The following DNAH9 variants were observed in gnomAD, a reference collection of about 807,000 sequenced individuals.
DNAH9 encodes the protein DNAH9 variant protein.
DNAH9 carries 345 observed loss-of-function variants against 471.6 expected under a neutral mutation model. The observed-to-expected ratio is 0.73, with a 90% CI of 0.67 to 0.80. DNAH9 has a LOEUF of 0.80. Among genes scored for constraint, DNAH9 ranks in the 30% least tolerant of loss-of-function variants. DNAH9 has a pLI of 0.00. For synonymous variants in DNAH9, 2,093 were observed against 2,123.6 expected, an observed-to-expected ratio of 0.99 and a Z score of 0.40; for missense variants, 5,407 against 5,609.2, an observed-to-expected ratio of 0.96 and a Z score of 1.15.
intron 60 of DNAH9, among the ~76,000 whole-genome samples, chr17:11,904,914 A>G (rs9905966): frequency 0.03 from 4,488 of 152,118 alleles, 231 homozygotes; most frequent in African/African-American, 0.1. Flanking sequence ...GTGGAGTGAG[A>G]TGAAAGAAGA....
In DNAH9 at chr17:11,783,648, A is replaced by C; in HGVS notation, c.7721A>C (p.Tyr2574Ser). ...IRQHLDYGHW[Y>S]DRSKLSLKEI... ...CCTAGAGCTTCTGACTGTTCCAGGT[A>C]TGATCGGAGCAAGCTGTCCCTAAAG... The change falls in exon 40 of 69, where the codon TAT becomes TCT. Residue 2574 changes from tyrosine to serine, a missense_variant and splice_region_variant. Physicochemically the swap from Tyr to Ser is moderately radical, Grantham distance 144. Coordinates refer to ENST00000262442, the MANE Select transcript of DNAH9 (RefSeq NM_001372.4). 6.2e-7 allele frequency: 1 copy of C among 1,613,786 alleles called. No individual in the cohort carries two copies.
chr17:11,822,595 T>C lies in DNAH9; in HGVS notation c.9008T>C (p.Ile3003Thr), dbSNP rs762183770. 15 of 1,613,908 alleles carry C rather than the reference T, an allele frequency of 9.3e-6. No individual in the cohort carries two copies. In the Admixed American group the frequency reaches 1.3e-4, roughly 14 times the overall value. The stretch of plus-strand genomic sequence containing the variant: ...CGCTTCTTGCAGAACACAGAGGGCA[T>C]TGAGGTGAGAGAGAAAAGGAGACAC... ...SLRFLQNTEG[I>T]EPTVKQSISK... The change falls in exon 47 of 69, where the codon ATT becomes ACT. Residue 3003 changes from isoleucine (I) to threonine (T), a missense_variant. Transcript: ENST00000262442.
intron 14 of DNAH9, among the ~76,000 whole-genome samples, chr17:11,663,030 C>T (rs1165213398): frequency 6.6e-6 from 1 of 151,774 alleles, no homozygotes; most frequent in African/African-American, 2.4e-5. Context: ...GCTGGGATTA[C>T]AGGCGTGAGC....
At chr17:11,692,186 C>T (rs1259647273) in intron 20 of DNAH9, among the ~76,000 whole-genome samples, 2 of 149,654 alleles carry the variant, frequency 1.3e-5, no homozygotes, top group African/African-American at 2.4e-5. Flanking sequence ...TCCTCATTCT[C>T]TCACTTGCAG....
In DNAH9 at chr17:11,719,432, G is replaced by C. The variant is rs577054880; in HGVS notation, c.5651G>C (p.Gly1884Ala). The C allele has an allele frequency of 4.6e-5, 75 of 1,613,966 alleles. No individual in the cohort carries two copies. In the Middle Eastern group the frequency reaches 5.0e-4, roughly 11 times the overall value. The change falls in exon 27 of 69, where the codon GGC becomes GCC. Residue 1884 changes from glycine to alanine, a missense_variant. Physicochemically the swap from Gly to Ala is moderately conservative, Grantham distance 60. Transcript: ENST00000262442. ...TGKTETTKDL[G>A]RALGILVYVF... ...AAGACCGAGACCACCAAGGACCTGG[G>C]CCGCGCACTGGGCATCCTGGTCTAT...
At chr17:11,765,596 G>C (rs932003081) in intron 36 of DNAH9, among the ~76,000 whole-genome samples, 3 of 152,176 alleles carry the variant, frequency 2.0e-5, no homozygotes, top group African/African-American at 7.2e-5. Context: ...CCTCCCCAGA[G>C]ACAGATGCCC....
intron 41 of DNAH9, among the ~76,000 whole-genome samples, chr17:11,792,345 T>C (rs541109301): frequency 3.0e-4 from 46 of 152,344 alleles, no homozygotes; most frequent in African/African-American, 1.1e-3. Flanking sequence ...TCTATGTTAA[T>C]GGATCTGCAC....
At chr17:11,756,742 G>T in intron 34 of DNAH9, 66 bp downstream of exon 34, 1 of 1,023,816 alleles carries the variant, frequency 9.8e-7, no homozygotes, top group Non-Finnish European at 1.5e-6. Flanking sequence ...GGCTTCACAC[G>T]TAGTTTTGCT....
At chr17:11,700,088 G>A (rs1338247386) in intron 23 of DNAH9, among the ~76,000 whole-genome samples, 1 of 152,184 alleles carries the variant, frequency 6.6e-6, no homozygotes, top group Non-Finnish European at 1.5e-5. Flanking sequence ...AAGGACACAT[G>A]TCAACATTCA....
intron 6 of DNAH9, 190 bp downstream of exon 6, chr17:11,619,971 G>A (rs1291086506): frequency 1.7e-6 from 1 of 574,092 alleles, no homozygotes; most frequent in Non-Finnish European, 3.1e-6. Flanking sequence ...AGCACTTTGG[G>A]AGGCAAAGGT....
At chr17:11,914,311 A>G (rs192453740) in intron 61 of DNAH9, among the ~76,000 whole-genome samples, 15 of 152,268 alleles carry the variant, frequency 9.9e-5, no homozygotes, top group Non-Finnish European at 1.6e-4. Context: ...TTCGTTCTCT[A>G]TATTGGAAAG....
intron 10 of DNAH9, among the ~76,000 whole-genome samples, chr17:11,643,888 C>G (rs2073327129): frequency 6.6e-6 from 1 of 152,080 alleles, no homozygotes; most frequent in African/African-American, 2.4e-5. Context: ...GTTTGTGTAT[C>G]TAAACATATC....
At chr17:11,691,872 C>T (rs1037792521) in intron 20 of DNAH9, among the ~76,000 whole-genome samples, 3 of 152,004 alleles carry the variant, frequency 2.0e-5, no homozygotes, top group East Asian at 1.9e-4. Flanking sequence ...GGTGCGATCT[C>T]GGCTCACTGC....
At position 11,969,471 on chromosome 17, in the gene DNAH9, A is replaced by G. The variant is rs1254574325; in HGVS notation, c.13405A>G (p.Lys4469Glu). 1 of 1,613,858 alleles carries G rather than the reference A, an allele frequency of 6.2e-7. No individual in the cohort carries two copies. The highest frequency in any genetic ancestry group is 1.3e-5 in the African/African-American group (1 of 74,886). Residue 4469 changes from lysine to glutamate, a missense_variant, in exon 69 of 69, where the codon AAG becomes GAG. Lys to Glu is a moderately conservative substitution (Grantham distance 56). Around this residue, in one of 3 missense-constraint regions of DNAH9, gnomAD observed 4,636 missense variants for 4,900.3 expected, o/e 0.95. Transcript: ENST00000262442. ...CGTGTGGACTTTCAACCTGAAGACTAAGGAAAACCCATCCAAGTGGGTTCT... is the reference window on the plus strand; with the variant it reads ...CGTGTGGACTTTCAACCTGAAGACTGAGGAAAACCCATCCAAGTGGGTTCT... Reference protein sequence around the residue: ...TYVWTFNLKTKENPSKWVLAG... With the variant: ...TYVWTFNLKTEENPSKWVLAG...
rs2073176782 is a variant in DNAH9 at position 11,636,868 on chromosome 17, C to T, written c.1786+84C>T. ...ATTCCTCTTGTATTTGTTAAATGTC[C>T]ATGTATGGATCCATACATTCTCAAA... On this transcript the variant is annotated intron_variant, in intron 9 of 68. Transcript: ENST00000262442. 9.6e-6 allele frequency: 12 copies of T among 1,248,820 alleles called. No homozygotes were observed. The Admixed American group carries it at 1.7e-4, about 18-fold the overall frequency. 77.4% of individuals were successfully genotyped at this position (1,248,820 alleles called of 1,614,324 possible).
chr17:11,874,502 A>G (rs952009792), intron 52 of DNAH9, among the ~76,000 whole-genome samples: 1 of 152,154 alleles, frequency 6.6e-6, no homozygotes, highest in African/African-American at 2.4e-5. Context: ...GAGGAGAGGA[A>G]AGAGTGGTTT....
At chr17:11,870,044 C>T (rs1301070569) in intron 51 of DNAH9, among the ~76,000 whole-genome samples, 1 of 152,094 alleles carries the variant, frequency 6.6e-6, no homozygotes. Flanking sequence ...CAGGGCATTT[C>T]CACGCATTCC....
chr17:11,949,961 A>T (rs920735819), intron 67 of DNAH9, among the ~76,000 whole-genome samples: 1 of 152,210 alleles, frequency 6.6e-6, no homozygotes, highest in Non-Finnish European at 1.5e-5. Context: ...GATGTGGGAA[A>T]TTTTTAAGAA....
At chr17:11,959,346 G>T (rs1597882352) in intron 67 of DNAH9, among the ~76,000 whole-genome samples, 1 of 152,170 alleles carries the variant, frequency 6.6e-6, no homozygotes, top group Non-Finnish European at 1.5e-5. Context: ...TTTGTCCTTT[G>T]CACTAAATTT....
Sources: gnomAD v4.1 joint callset for allele counts (sites outside exome capture counted in the v4.1 genomes callset) on GRCh38, gnomAD v4.1.1 for gene constraint, gnomAD v4.1.1 regional missense constraint, MANE v1.5 for transcripts, NCBI Gene and HGNC (gene_info 2026-07-23, HGNC 2026-07-21) for gene names.